The following FOXO3 variants were observed in gnomAD, a reference collection of about 807,000 sequenced individuals.
FOXO3 encodes the protein forkhead box O3.
A neutral mutation model predicts 41.9 loss-of-function variants in FOXO3; 4 were observed. The ratio of observed to expected loss-of-function variants is 0.10; its 90% CI spans 0.05 to 0.22. The LOEUF is 0.22. Among genes scored for constraint, FOXO3 ranks in the 10% least tolerant of loss-of-function variants. The pLI is 1.00. For missense variants in FOXO3, 534 were observed against 906.8 expected, an observed-to-expected ratio of 0.59 and a Z score of 5.28; for synonymous variants, 318 against 389.3, an observed-to-expected ratio of 0.82 and a Z score of 2.16.
Position 108,680,839 on chromosome 6 carries a change from C to T in FOXO3, c.*1047C>T, listed in dbSNP as rs4945816. 81,520 of 151,358 alleles carry T rather than the reference C, an allele frequency of 0.54. 26,034 individuals carry two copies. The highest frequency in any genetic ancestry group is 0.71 in the East Asian group (3,658 of 5,152). The allele number at this position is 151,358 out of a possible 1,614,324, so 9.4% of individuals were successfully genotyped here. Reference sequence around the variant, plus strand: ...CATTAAGCTTGCAGTGAGAAATGTGCGAAGAGTAAAAACCCAAGTCAATGC... The same window carrying T: ...CATTAAGCTTGCAGTGAGAAATGTGTGAAGAGTAAAAACCCAAGTCAATGC... On this transcript the variant is annotated 3_prime_UTR_variant, in exon 3 of 3. Coordinates refer to ENST00000406360, the MANE Select transcript of FOXO3 (RefSeq NM_001455.4).
At chr6:108,572,400 C>T (rs1776127070) in intron 1 of FOXO3, among the ~76,000 whole-genome samples, 2 of 152,162 alleles carry the variant, frequency 1.3e-5, no homozygotes, top group African/African-American at 4.8e-5. Flanking sequence ...TTGGTTCAAG[C>T]CTTGTAGAGT....
intron 1 of FOXO3, among the ~76,000 whole-genome samples, chr6:108,569,874 A>G (rs537859192): frequency 6.6e-6 from 1 of 152,226 alleles, no homozygotes; most frequent in East Asian, 1.9e-4. Context: ...AACCTATAGT[A>G]AACCCAACAG....
intron 1 of FOXO3, among the ~76,000 whole-genome samples, chr6:108,645,407 C>T (rs891603291): frequency 2.6e-5 from 4 of 151,584 alleles, no homozygotes; most frequent in Non-Finnish European, 4.4e-5. Flanking sequence ...AGCCTCTCTT[C>T]GAGCCTTCTT....
At chr6:108,658,524 A>G (rs1440882785) in intron 1 of FOXO3, among the ~76,000 whole-genome samples, 3 of 152,098 alleles carry the variant, frequency 2.0e-5, no homozygotes, top group Non-Finnish European at 4.4e-5. Context: ...AGAGTAGTTA[A>G]TATTGGGGGT....
intron 1 of FOXO3, among the ~76,000 whole-genome samples, chr6:108,659,756 T>A (rs1778790859): frequency 6.6e-6 from 1 of 152,212 alleles, no homozygotes; most frequent in Admixed American, 6.5e-5. Flanking sequence ...TTTTACCACA[T>A]GCCCTTGTAG....
At chr6:108,616,816 C>T (rs886995889) in intron 1 of FOXO3, among the ~76,000 whole-genome samples, 18 of 152,130 alleles carry the variant, frequency 1.2e-4, no homozygotes, top group Admixed American at 3.9e-4. Context: ...CCTTTTCAGC[C>T]TATATTGATA....
intron 1 of FOXO3, among the ~76,000 whole-genome samples, chr6:108,585,802 T>TA (rs1475325259): frequency 2.6e-5 from 4 of 152,204 alleles, no homozygotes; most frequent in Non-Finnish European, 4.4e-5. Context: ...CTAAACCACT[T>TA]AAAACACACT....
rs1770826564 is a variant in FOXO3, at chr6:108,680,971, A to G, written c.*1179A>G. 1 of 152,676 alleles carries G rather than the reference A, an allele frequency of 6.5e-6. No individual in the cohort carries two copies. The highest frequency in any genetic ancestry group is 2.4e-5 in the African/African-American group (1 of 41,474). The allele number at this position is 152,676 out of a possible 1,614,324, so 9.5% of individuals were successfully genotyped here. A position where few individuals can be genotyped will look rare whatever the true frequency, so the allele number is the denominator to read the frequency against. ...AAGTGTATGAGTGAGAGGCAATAGC[A>G]TACAAACTGATTTTTTAAATATAAG... On this transcript the variant is annotated 3_prime_UTR_variant, in exon 3 of 3. Coordinates refer to ENST00000406360, the MANE Select transcript of FOXO3 (RefSeq NM_001455.4).
At chr6:108,631,378 T>C (rs1425660324) in intron 1 of FOXO3, among the ~76,000 whole-genome samples, 1 of 152,168 alleles carries the variant, frequency 6.6e-6, no homozygotes, top group African/African-American at 2.4e-5. Flanking sequence ...GGAGTATTGC[T>C]GTTTAGGGCC....
intron 1 of FOXO3, among the ~76,000 whole-genome samples, chr6:108,576,723 A>G (rs986631936): frequency 6.6e-6 from 1 of 152,188 alleles, no homozygotes; most frequent in African/African-American, 2.4e-5. Flanking sequence ...CTGGGCCCCC[A>G]GTGTTTGCCC....
At chr6:108,571,069 G>A (rs1776086327) in intron 1 of FOXO3, among the ~76,000 whole-genome samples, 2 of 152,170 alleles carry the variant, frequency 1.3e-5, no homozygotes, top group South Asian at 2.1e-4. Context: ...GAGTAGTCAC[G>A]TGTCTGGATC....
At position 108,560,948 on chromosome 6, in the gene FOXO3, C is replaced by A. The variant is rs1456305786; in HGVS notation, c.-261C>A. ...TGCTGCGCCAGGTTCGCTGGCCGCA[C>A]GTCTTCAGGTCCTCCTGTTCCTGGG... On this transcript the variant is annotated 5_prime_UTR_variant, in exon 1 of 3. Coordinates refer to ENST00000406360, the MANE Select transcript of FOXO3 (RefSeq NM_001455.4). 7.7e-6 allele frequency: 10 copies of A among 1,303,184 alleles called. No homozygotes were observed. The highest frequency in any genetic ancestry group is 3.2e-5 in the East Asian group (1 of 31,740). The allele number at this position is 1,303,184 out of a possible 1,614,324, so 80.7% of individuals were successfully genotyped here.
intron 1 of FOXO3, among the ~76,000 whole-genome samples, chr6:108,604,290 G>A (rs1172482675): frequency 6.6e-6 from 1 of 152,142 alleles, no homozygotes; most frequent in Non-Finnish European, 1.5e-5. Flanking sequence ...ACGACAGTAC[G>A]CACTGTTAAT....
intron 2 of FOXO3, among the ~76,000 whole-genome samples, chr6:108,674,553 C>CATT (rs1770503506): frequency 6.6e-6 from 1 of 152,180 alleles, no homozygotes; most frequent in South Asian, 2.1e-4. Context: ...ATTTCAGGCA[C>CATT]ATTATGATTA....
At chr6:108,567,980 G>A (rs867563306) in intron 1 of FOXO3, among the ~76,000 whole-genome samples, 2 of 152,046 alleles carry the variant, frequency 1.3e-5, no homozygotes, top group Middle Eastern at 3.4e-3. Flanking sequence ...CCTGGGAGGC[G>A]GAGGTTGCAG....
chr6:108,576,054 T>A (rs1308117674), intron 1 of FOXO3, among the ~76,000 whole-genome samples: 1 of 152,224 alleles, frequency 6.6e-6, no homozygotes. Context: ...CATGGACTCT[T>A]AAGCTCATGA....
At chr6:108,640,666 T>C (rs1778233177) in intron 1 of FOXO3, among the ~76,000 whole-genome samples, 1 of 152,212 alleles carries the variant, frequency 6.6e-6, no homozygotes, top group Admixed American at 6.5e-5. Context: ...TACTTCACAA[T>C]TTCATATGTA....
At chr6:108,593,712 C>CTTTTTTTTTTTTTTTT (rs34228633) in intron 1 of FOXO3, among the ~76,000 whole-genome samples, 23 of 83,338 alleles carry the variant, frequency 2.8e-4, no homozygotes, top group Middle Eastern at 0.01. Flanking sequence ...TTTTCTTCTT[C>CTTTTTTTTTTTTTTTT]TTTTTTTTTT....
chr6:108,675,767 C>T (rs1353331349), intron 2 of FOXO3, among the ~76,000 whole-genome samples: 2 of 152,270 alleles, frequency 1.3e-5, no homozygotes. Flanking sequence ...AAGGTTTCAA[C>T]TTATGATCTC....
Sources: gnomAD v4.1 joint callset for allele counts (sites outside exome capture counted in the v4.1 genomes callset) on GRCh38, gnomAD v4.1.1 for gene constraint, MANE v1.5 for transcripts, NCBI Gene and HGNC (gene_info 2026-07-23, HGNC 2026-07-21) for gene names.